Variants in CHST8 observed in about 807,000 individuals in gnomAD.
CHST8 encodes the protein GALNAC-4-ST1.
CHST8 carries 10 observed loss-of-function variants against 15.0 expected under a neutral mutation model. That is an observed-to-expected ratio of 0.67 (90% CI 0.41 to 1.13). The LOEUF is 1.13. Ranked by LOEUF, CHST8 falls within the 50% of genes most tolerant of loss-of-function variation. The pLI is 0.00. For synonymous variants in CHST8, 259 were observed against 256.6 expected (o/e 1.01, Z -0.09); for missense variants, 634 against 608.2 (o/e 1.04, Z -0.45).
At chr19:33,771,588 G>A (rs1311756639) in intron 4 of CHST8, 138 bp downstream of exon 4, 11 of 893,936 alleles carry the variant, frequency 1.2e-5, no homozygotes, top group Non-Finnish European at 1.6e-5. Context: ...GGAGCCTTGG[G>A]AACAAAGCCC....
intron 3 of CHST8, among the ~76,000 whole-genome samples, chr19:33,729,936 T>A (rs574568740): frequency 6.6e-6 from 1 of 152,162 alleles, no homozygotes; most frequent in Admixed American, 6.5e-5. Flanking sequence ...GAATTCACAG[T>A]CTGAAAGAAA....
intron 3 of CHST8, among the ~76,000 whole-genome samples, chr19:33,726,644 G>A (rs1210407969): frequency 2.0e-5 from 3 of 152,094 alleles, no homozygotes; most frequent in Admixed American, 1.3e-4. Context: ...GGGCTGGATC[G>A]GTGTCCCAGG....
Position 33,662,111 on chromosome 19 carries a change from C to T in CHST8, c.-163-5656C>T, listed in dbSNP as rs540064553. 1.6e-4 allele frequency among the ~76,000 whole-genome samples: 25 copies of T among 152,150 alleles called. No individual in the cohort carries two copies. In the East Asian group the frequency reaches 4.3e-3, roughly 26 times the overall value. Reference sequence around the variant, plus strand: ...TTTATTTATTTTTGAGACGGAGTCTCACTGTGTCACCCAGGCTGGAGTGCA... The same window carrying T: ...TTTATTTATTTTTGAGACGGAGTCTTACTGTGTCACCCAGGCTGGAGTGCA... On this transcript the variant is annotated intron_variant, in intron 1 of 4. Coordinates refer to ENST00000650847, the MANE Select transcript of CHST8 (RefSeq NM_001127895.2).
intron 1 of CHST8, among the ~76,000 whole-genome samples, chr19:33,661,728 T>G (rs924115495): frequency 6.6e-6 from 1 of 151,994 alleles, no homozygotes; most frequent in Non-Finnish European, 1.5e-5. Flanking sequence ...GCTCAAGAGG[T>G]CTTTTTAAAA....
chr19:33,728,968 G>A (rs2145322320), intron 3 of CHST8, among the ~76,000 whole-genome samples: 1 of 152,332 alleles, frequency 6.6e-6, no homozygotes, highest in South Asian at 2.1e-4. Flanking sequence ...GAGTCCTGCG[G>A]GATGGGCTTG....
At chr19:33,733,194 A>G (rs891724300) in intron 3 of CHST8, among the ~76,000 whole-genome samples, 1 of 150,996 alleles carries the variant, frequency 6.6e-6, no homozygotes, top group Admixed American at 6.6e-5. Flanking sequence ...TTTTTGAAGC[A>G]CTGTGTCTGG....
chr19:33,767,576 G>C (rs1974876735), intron 3 of CHST8, among the ~76,000 whole-genome samples: 1 of 152,230 alleles, frequency 6.6e-6, no homozygotes, highest in South Asian at 2.1e-4. Flanking sequence ...TCTCACCGAT[G>C]CTCTTATCAT....
At chr19:33,737,183 A>C (rs894450173) in intron 3 of CHST8, among the ~76,000 whole-genome samples, 11 of 152,230 alleles carry the variant, frequency 7.2e-5, no homozygotes, top group Non-Finnish European at 1.3e-4. Context: ...ATAACCATAA[A>C]AATAATCAAC....
chr19:33,704,900 T>C (rs1011221626), intron 3 of CHST8, among the ~76,000 whole-genome samples: 8 of 144,990 alleles, frequency 5.5e-5, no homozygotes, highest in African/African-American at 2.1e-4. Context: ...CAGAGTGAGA[T>C]GCTGTCTTAA....
At chr19:33,757,509 A>G (rs1292791101) in intron 3 of CHST8, among the ~76,000 whole-genome samples, 1 of 62,458 alleles carries the variant, frequency 1.6e-5, no homozygotes. Flanking sequence ...AAAGAAAGAA[A>G]GAAAGAAAGA....
chr19:33,641,496 T>G (rs1972283470), intron 1 of CHST8, among the ~76,000 whole-genome samples: 1 of 151,852 alleles, frequency 6.6e-6, no homozygotes, highest in African/African-American at 2.4e-5. Flanking sequence ...CGGTGAGGAG[T>G]TTTCTGCAAG....
intron 3 of CHST8, among the ~76,000 whole-genome samples, chr19:33,754,654 A>G (rs776348110): frequency 1.7e-4 from 26 of 152,158 alleles, no homozygotes; most frequent in Non-Finnish European, 2.8e-4. Flanking sequence ...GTGTTTGCCC[A>G]CCTGCATGCC....
At chr19:33,695,801 TTTTCTTTCTTTC>T (rs748705602) in intron 3 of CHST8, among the ~76,000 whole-genome samples, 1 of 130,310 alleles carries the variant, frequency 7.7e-6, no homozygotes, top group South Asian at 2.5e-4. Flanking sequence ...CACATTTTCT[TTTTCTTTCTTTC>T]TTTCTTTCTT....
At chr19:33,700,683 T>A (rs547416471) in intron 3 of CHST8, among the ~76,000 whole-genome samples, 1 of 152,192 alleles carries the variant, frequency 6.6e-6, no homozygotes, top group African/African-American at 2.4e-5. Context: ...TTCGTGGGGG[T>A]TCCTCCTAGG....
At chr19:33,696,651 C>A (rs1303647388) in intron 3 of CHST8, among the ~76,000 whole-genome samples, 1 of 152,076 alleles carries the variant, frequency 6.6e-6, no homozygotes, top group Admixed American at 6.6e-5. Context: ...TCCCCACCCC[C>A]ATCTCCCTTC....
intron 3 of CHST8, among the ~76,000 whole-genome samples, chr19:33,695,547 A>G (rs1325171544): frequency 1.3e-5 from 2 of 151,986 alleles, no homozygotes; most frequent in African/African-American, 4.8e-5. Context: ...CCAATATGTA[A>G]TCTTTTGTCC....
chr19:33,633,802 T>C (rs951384421), intron 1 of CHST8, among the ~76,000 whole-genome samples: 2 of 151,334 alleles, frequency 1.3e-5, no homozygotes, highest in African/African-American at 4.9e-5. Flanking sequence ...TGTGTGTGTG[T>C]GTGTGTGTGT....
Position 33,766,573 on chromosome 19 carries a change from G to A in CHST8, c.131-4840G>A, listed in dbSNP as rs987002302. Among the ~76,000 whole-genome samples the A allele has an allele frequency of 8.3e-4, 126 of 152,208 alleles. 3 individuals are homozygous for A. The highest frequency in any genetic ancestry group is 8.5e-4 in the Admixed American group (13 of 15,284). On this transcript the variant is annotated intron_variant, in intron 3 of 4. Transcript: ENST00000650847. ...CCTAATGGGGGCATGGAAGCAGCAGGGCAGAGGCCGGCAGCCTGGGCTGTC... is the reference window on the plus strand; with the variant it reads ...CCTAATGGGGGCATGGAAGCAGCAGAGCAGAGGCCGGCAGCCTGGGCTGTC...
At chr19:33,623,375 G>A (rs1972010945) in intron 1 of CHST8, among the ~76,000 whole-genome samples, 1 of 152,202 alleles carries the variant, frequency 6.6e-6, no homozygotes. Flanking sequence ...TCCGTTAAGG[G>A]GAACGCGCGT....
Sources: gnomAD v4.1 joint callset for allele counts (sites outside exome capture counted in the v4.1 genomes callset) on GRCh38, gnomAD v4.1.1 for gene constraint, MANE v1.5 for transcripts, NCBI Gene and HGNC (gene_info 2026-07-23, HGNC 2026-07-21) for gene names.